Variants in EPHA3 observed in about 807,000 individuals in gnomAD.
EPHA3 encodes the protein ephrin type-A receptor 3.
EPHA3 carries 42 observed loss-of-function variants against 107.1 expected under a neutral mutation model. The ratio of observed to expected loss-of-function variants is 0.39; its 90% confidence interval spans 0.31 to 0.51. The LOEUF is 0.51. Ranked by LOEUF, EPHA3 falls within the 20% of genes least tolerant of loss-of-function variation. The pLI is 0.78. For synonymous variants in EPHA3, 461 were observed against 424.8 expected, an observed-to-expected ratio of 1.09 and a Z score of -1.05; for missense variants, 1,183 against 1,211.2, an observed-to-expected ratio of 0.98 and a Z score of 0.35.
At chr3:89,392,238 G>A (rs145542249) in intron 5 of EPHA3, among the ~76,000 whole-genome samples, 1 of 152,080 alleles carries the variant, frequency 6.6e-6, no homozygotes, top group Non-Finnish European at 1.5e-5. Flanking sequence ...TCAGGAGTTC[G>A]AGACCAGCCT....
chr3:89,149,715 C>A (rs1203331749), intron 2 of EPHA3, among the ~76,000 whole-genome samples: 1 of 145,494 alleles, frequency 6.9e-6, no homozygotes, highest in Non-Finnish European at 1.5e-5. Flanking sequence ...TTCGGCATTA[C>A]AAAATTCCTG....
At chr3:89,377,583 A>G (rs1298907959) in intron 5 of EPHA3, among the ~76,000 whole-genome samples, 1 of 152,164 alleles carries the variant, frequency 6.6e-6, no homozygotes, top group African/African-American at 2.4e-5. Context: ...ACCCACTCGT[A>G]TTTGGAAAAT....
chr3:89,305,626 T>C (rs1211696817), intron 3 of EPHA3, among the ~76,000 whole-genome samples: 1 of 152,140 alleles, frequency 6.6e-6, no homozygotes, highest in African/African-American at 2.4e-5. Context: ...GGTTTCTTGA[T>C]TGTAAGGGGA....
At chr3:89,261,991 G>T (rs1705428998) in intron 3 of EPHA3, among the ~76,000 whole-genome samples, 1 of 151,606 alleles carries the variant, frequency 6.6e-6, no homozygotes. Context: ...TTATTTAATT[G>T]GTTTACCTTT....
At chr3:89,401,261 TG>T (rs1432178959) in intron 7 of EPHA3, among the ~76,000 whole-genome samples, 3 of 152,224 alleles carry the variant, frequency 2.0e-5, no homozygotes, top group Non-Finnish European at 4.4e-5. Context: ...GGTATTGAAA[TG>T]TTAATGTTTT....
At chr3:89,269,189 C>G (rs1246316685) in intron 3 of EPHA3, among the ~76,000 whole-genome samples, 1 of 151,988 alleles carries the variant, frequency 6.6e-6, no homozygotes, top group East Asian at 1.9e-4. Flanking sequence ...ATTGAAACCT[C>G]AAAACAACTT....
chr3:89,299,648 G>A (rs957260611), intron 3 of EPHA3, among the ~76,000 whole-genome samples: 1 of 151,946 alleles, frequency 6.6e-6, no homozygotes, highest in African/African-American at 2.4e-5. Flanking sequence ...AAGAAAATAA[G>A]TATTCTATCC....
At chr3:89,443,731 A>C (rs1709827479) in intron 13 of EPHA3, among the ~76,000 whole-genome samples, 1 of 152,294 alleles carries the variant, frequency 6.6e-6, no homozygotes, top group Non-Finnish European at 1.5e-5. Flanking sequence ...CTGGGGGAAT[A>C]CAGTGGTGAA....
intron 15 of EPHA3, among the ~76,000 whole-genome samples, chr3:89,451,603 G>T (rs936477503): frequency 6.6e-6 from 1 of 152,086 alleles, no homozygotes; most frequent in African/African-American, 2.4e-5. Context: ...CTCTAGCTAT[G>T]TGCCTACTCA....
chr3:89,278,804 A>G (rs1705871587), intron 3 of EPHA3, among the ~76,000 whole-genome samples: 2 of 152,184 alleles, frequency 1.3e-5, no homozygotes, highest in South Asian at 4.1e-4. Context: ...TTAATTTCCC[A>G]AAAGAAATGT....
At chr3:89,398,347 T>G (rs1462864331) in intron 6 of EPHA3, among the ~76,000 whole-genome samples, 3 of 152,188 alleles carry the variant, frequency 2.0e-5, no homozygotes, top group African/African-American at 7.2e-5. Context: ...TAAATTCAAT[T>G]TTTGTAAACA....
intron 5 of EPHA3, among the ~76,000 whole-genome samples, chr3:89,371,721 T>TACACAC (rs111924124): frequency 2.0e-5 from 3 of 147,500 alleles, no homozygotes; most frequent in East Asian, 2.0e-4. Flanking sequence ...GTGATACACA[T>TACACAC]ACACACACAC....
At chr3:89,234,581 G>A (rs1704708338) in intron 3 of EPHA3, among the ~76,000 whole-genome samples, 1 of 152,150 alleles carries the variant, frequency 6.6e-6, no homozygotes, top group Non-Finnish European at 1.5e-5. Flanking sequence ...ATTACATCTA[G>A]AGGTGAATTT....
At chr3:89,419,988 C>G (rs1709325698) in intron 11 of EPHA3, among the ~76,000 whole-genome samples, 1 of 151,286 alleles carries the variant, frequency 6.6e-6, no homozygotes, top group African/African-American at 2.4e-5. Flanking sequence ...GGCTCACAGC[C>G]CATGATAGAG....
intron 3 of EPHA3, among the ~76,000 whole-genome samples, chr3:89,291,268 T>A (rs1446315634): frequency 2.0e-5 from 3 of 152,184 alleles, no homozygotes; most frequent in Non-Finnish European, 4.4e-5. Flanking sequence ...TTGGATTTTA[T>A]GAGTCAGATT....
intron 3 of EPHA3, among the ~76,000 whole-genome samples, chr3:89,272,831 T>C (rs1273612752): frequency 2.0e-5 from 3 of 151,938 alleles, no homozygotes; most frequent in African/African-American, 7.2e-5. Context: ...TTTTTACAAC[T>C]TGATGACATA....
chr3:89,477,889 A>G (rs1330439559), intron 16 of EPHA3, among the ~76,000 whole-genome samples: 1 of 152,220 alleles, frequency 6.6e-6, no homozygotes, highest in Non-Finnish European at 1.5e-5. Flanking sequence ...AAGATAGGGA[A>G]TAAAGAAAAT....
Position 89,449,359 on chromosome 3 carries a change from G to C in EPHA3, c.2481G>C (p.Glu827Asp), listed in dbSNP as rs374248537. ...CTTATGGAGAGAGACCATACTGGGA[G>C]ATGTCCAATCAGGATGTAAGTATTT... ...VMSYGERPYW[E>D]MSNQDVIKAV... is the part of the protein sequence containing the mutation. Residue 827 changes from glutamate (E) to aspartate (D), a missense_variant, in exon 14 of 17, where the codon GAG (glutamate) becomes GAC (aspartate). Physicochemically the swap from Glu to Asp is conservative, Grantham distance 45. Transcript: ENST00000336596. 2 of 1,591,060 alleles carry C rather than the reference G, an allele frequency of 1.3e-6. No individual in the cohort carries two copies. Among genetic ancestry groups the C allele is most frequent in the Non-Finnish European group, 1.7e-6 (2 of 1,164,700 alleles).
chr3:89,288,816 T>A lies in EPHA3; in HGVS notation c.815-52100T>A, dbSNP rs535676691. On this transcript the variant is annotated intron_variant, in intron 3 of 16. Transcript: ENST00000336596. Reference sequence around the variant, plus strand: ...AGAAAATGGTCAGGTAATTAAAGTGTAAGCTTAAAAATAGAAAGCATGTTT... The same window carrying A: ...AGAAAATGGTCAGGTAATTAAAGTGAAAGCTTAAAAATAGAAAGCATGTTT... Among the ~76,000 whole-genome samples, 173 of 152,150 alleles carry A rather than the reference T, an allele frequency of 1.1e-3. 2 individuals are homozygous for A. Among genetic ancestry groups the A allele is most frequent in the Non-Finnish European group, 2.1e-3 (142 of 68,032 alleles).
Sources: gnomAD v4.1 joint callset for allele counts (sites outside exome capture counted in the v4.1 genomes callset) on GRCh38, gnomAD v4.1.1 for gene constraint, MANE v1.5 for transcripts, NCBI Gene and HGNC (gene_info 2026-07-23, HGNC 2026-07-21) for gene names.